The following HMCN1 variants were observed in gnomAD, a reference collection of about 807,000 sequenced individuals.
The protein encoded by HMCN1 is hemicentin 1, also known as hemicentin-1.
In HMCN1, 321 loss-of-function variants were observed where a neutral mutation model predicts 625.9. That is an observed-to-expected ratio of 0.51 (90% CI 0.47 to 0.56). The LOEUF is 0.56. HMCN1 is among the 20% of genes least tolerant of loss of function. The probability of loss-of-function intolerance (pLI) is 0.00; values close to 1 mark genes in which losing one functional copy is unlikely to be tolerated. For synonymous variants in HMCN1, 2,425 were observed against 2,417.6 expected (o/e 1.00, Z -0.09); for missense variants, 6,588 against 6,887.3 (o/e 0.96, Z 1.54).
intron 9 of HMCN1, among the ~76,000 whole-genome samples, chr1:185,925,393 T>C (rs1481982043): frequency 6.6e-6 from 1 of 152,190 alleles, no homozygotes; most frequent in East Asian, 1.9e-4. Flanking sequence ...AAGCTAAATA[T>C]AATAATATAA....
rs1461070177 is a variant in HMCN1 at position 185,981,059 on chromosome 1, C to T, written c.2648C>T (p.Thr883Ile). The change falls in exon 17 of 107, where the codon ACA becomes ATA. Residue 883 changes from threonine to isoleucine, a missense_variant. Physicochemically the swap from Thr to Ile is moderately conservative, Grantham distance 89. Around this residue, in one of 3 missense-constraint regions of HMCN1, gnomAD observed 4,628 missense variants for 4,853.1 expected, o/e 0.95. Transcript: ENST00000271588. ...AAGATCCAGTCAGAGACAACAGTAA[C>T]AGTGACCGGACTTGGTAAGATCAAT... ...FGKIQSETTVTVTGLVAPLIG... is the reference protein window; with the variant it reads ...FGKIQSETTVIVTGLVAPLIG... 1 of 1,601,964 alleles carries T rather than the reference C, an allele frequency of 6.2e-7. No individual in the cohort carries two copies. Among genetic ancestry groups the T allele is most frequent in the Non-Finnish European group, 8.6e-7 (1 of 1,169,206 alleles).
intron 106 of HMCN1, 51 bp from the exon 107 acceptor site, chr1:186,189,461 T>G: frequency 1.2e-6 from 2 of 1,603,570 alleles, no homozygotes. Context: ...ATATCATGCC[T>G]CCTCCTACTT....
chr1:186,038,411 A>G (rs1421263060), intron 37 of HMCN1, among the ~76,000 whole-genome samples: 2 of 152,162 alleles, frequency 1.3e-5, no homozygotes, highest in Non-Finnish European at 2.9e-5. Flanking sequence ...TGTTTTGTAT[A>G]TTCCCACCAC....
chr1:185,853,937 A>T (rs1018358905), intron 2 of HMCN1, among the ~76,000 whole-genome samples: 1 of 152,212 alleles, frequency 6.6e-6, no homozygotes, highest in Non-Finnish European at 1.5e-5. Flanking sequence ...GCCAAATAAC[A>T]TTTAAGAGAA....
chr1:185,892,662 G>A (rs968426775), intron 4 of HMCN1, among the ~76,000 whole-genome samples: 1 of 152,054 alleles, frequency 6.6e-6, no homozygotes, highest in Non-Finnish European at 1.5e-5. Flanking sequence ...GAGGCAGTCT[G>A]CCCGTTCTCA....
intron 20 of HMCN1, among the ~76,000 whole-genome samples, chr1:185,988,969 G>C (rs1305887712): frequency 6.6e-6 from 1 of 150,680 alleles, no homozygotes; most frequent in Admixed American, 6.6e-5. Flanking sequence ...GAATGAAAAT[G>C]ACATGATATG....
At chr1:186,071,533 C>A (rs886414630) in intron 52 of HMCN1, among the ~76,000 whole-genome samples, 2 of 152,134 alleles carry the variant, frequency 1.3e-5, no homozygotes, top group African/African-American at 4.8e-5. Context: ...AGATGTGAAA[C>A]GGCTAAGCTG....
chr1:185,885,082 T>C (rs1042706182), intron 4 of HMCN1, among the ~76,000 whole-genome samples: 1 of 148,866 alleles, frequency 6.7e-6, no homozygotes, highest in African/African-American at 2.6e-5. Flanking sequence ...GCCTTCATTT[T>C]ATGTTTTTTT....
At chr1:185,956,605 GCT>G (rs1446111279) in intron 11 of HMCN1, among the ~76,000 whole-genome samples, 1 of 152,176 alleles carries the variant, frequency 6.6e-6, no homozygotes, top group Non-Finnish European at 1.5e-5. Flanking sequence ...TATTTCAGAA[GCT>G]CTCTGAACCC....
intron 14 of HMCN1, 39 bp downstream of exon 14, chr1:185,965,954 T>G (rs1211595675): frequency 1.7e-6 from 2 of 1,163,538 alleles, no homozygotes; most frequent in Non-Finnish European, 2.6e-6. Flanking sequence ...GTTCACTTAG[T>G]TTTGTTTTCT....
At chr1:186,116,278 C>T (rs1288077135) in intron 75 of HMCN1, among the ~76,000 whole-genome samples, 2 of 151,992 alleles carry the variant, frequency 1.3e-5, no homozygotes, top group African/African-American at 2.4e-5. Flanking sequence ...TTCTATCATG[C>T]ACAGTGTGAA....
chr1:186,029,986 G>A (rs768195741), intron 36 of HMCN1, among the ~76,000 whole-genome samples: 2 of 151,886 alleles, frequency 1.3e-5, no homozygotes, highest in African/African-American at 2.4e-5. Flanking sequence ...AGTTATTTAG[G>A]ACTGTGTTAC....
At chr1:185,887,554 G>C (rs992040937) in intron 4 of HMCN1, among the ~76,000 whole-genome samples, 3 of 150,992 alleles carry the variant, frequency 2.0e-5, no homozygotes, top group Non-Finnish European at 4.4e-5. Flanking sequence ...GAGAATATGT[G>C]GTGTTTGGTT....
chr1:185,895,534 G>A (rs989200317), intron 4 of HMCN1, among the ~76,000 whole-genome samples: 1 of 152,176 alleles, frequency 6.6e-6, no homozygotes, highest in Admixed American at 6.5e-5. Flanking sequence ...TACAGAGTGT[G>A]TGGCTAATTA....
chr1:186,189,501 G>A lies in HMCN1; in HGVS notation c.16542-11G>A, dbSNP rs1473088492. 6.2e-7 allele frequency: 1 copy of A among 1,612,364 alleles called. No homozygotes were observed. Among genetic ancestry groups the A allele is most frequent in the Admixed American group, 1.7e-5 (1 of 59,990 alleles). ...ATAACTATGTGTATTTGATATGTTT[G>A]TTGTCCTTAGGTTCTGCCTCAAGAA... is the stretch of plus-strand genomic sequence containing the variant. On this transcript the variant is annotated splice_polypyrimidine_tract_variant and intron_variant, in intron 106 of 106. Transcript: ENST00000271588.
At chr1:186,009,224 G>A (rs907149978) in intron 30 of HMCN1, among the ~76,000 whole-genome samples, 5 of 152,102 alleles carry the variant, frequency 3.3e-5, no homozygotes, top group Admixed American at 2.0e-4. Context: ...GATTCAATAA[G>A]ACTCTTATTT....
chr1:186,124,541 T>C lies in HMCN1; in HGVS notation c.12500-1063T>C, dbSNP rs1661553384. ...AGCAAGAATTAATTAAAAATGAGTA[T>C]TTACGATGTACCATTGAGCAAAATC... On this transcript the variant is annotated intron_variant, in intron 81 of 106. Transcript: ENST00000271588. Among the ~76,000 whole-genome samples the C allele has an allele frequency of 2.0e-5, 3 of 152,068 alleles. No homozygotes were observed. In the South Asian group the frequency reaches 6.2e-4, roughly 31 times the overall value.
At chr1:186,057,769 C>T (rs1657438345) in intron 46 of HMCN1, among the ~76,000 whole-genome samples, 1 of 152,060 alleles carries the variant, frequency 6.6e-6, no homozygotes, top group East Asian at 1.9e-4. Flanking sequence ...ACTTCTATAA[C>T]CAAATATTAA....
intron 103 of HMCN1, among the ~76,000 whole-genome samples, 171 bp from the exon 104 acceptor site, chr1:186,178,245 A>G (rs896674375): frequency 6.6e-6 from 1 of 152,206 alleles, no homozygotes; most frequent in Non-Finnish European, 1.5e-5. Flanking sequence ...TAACTGAATG[A>G]TTAAAGCTTT....
Sources: allele counts gnomAD v4.1 joint callset (sites outside exome capture counted in the v4.1 genomes callset), GRCh38; gene constraint gnomAD v4.1.1; regional missense constraint gnomAD v4.1.1; transcripts MANE v1.5; gene names NCBI Gene and HGNC (gene_info 2026-07-23, HGNC 2026-07-21).